GSTCD: variants seen among roughly 807,000 people sequenced by gnomAD.
GSTCD encodes the protein glutathione S-transferase C-terminal domain containing, also known as glutathione S-transferase C-terminal domain-containing protein.
In GSTCD, 44 loss-of-function variants were observed where a neutral mutation model predicts 68.3. The observed-to-expected ratio is 0.64, with a 90% confidence interval of 0.51 to 0.83. The LOEUF (loss-of-function observed/expected upper bound fraction) is 0.83. Among genes scored for constraint, GSTCD ranks in the 40% least tolerant of loss-of-function variants. The pLI, the probability that GSTCD is intolerant of heterozygous loss-of-function variation, is 0.00. For synonymous variants in GSTCD, 273 were observed against 255.2 expected (o/e 1.07, Z -0.67); for missense variants, 739 against 735.9 (o/e 1.00, Z -0.05).
At chr4:105,779,568 AATT>A (rs1209418453) in intron 5 of GSTCD, among the ~76,000 whole-genome samples, 11 of 152,188 alleles carry the variant, frequency 7.2e-5, no homozygotes, top group African/African-American at 2.7e-4. Flanking sequence ...TTCTCTGTCA[AATT>A]TTTGCAATTT....
chr4:105,823,369 A>C, intron 7 of GSTCD, 94 bp downstream of exon 7: 1 of 1,015,466 alleles, frequency 9.8e-7, no homozygotes, highest in Admixed American at 1.8e-5. Context: ...GTTTCTAGTC[A>C]CTCACCCAAG....
At chr4:105,728,684 T>TATAA (rs1560797994) in intron 4 of GSTCD, among the ~76,000 whole-genome samples, 367 of 24,600 alleles carry the variant, frequency 0.015, 2 homozygotes, top group African/African-American at 0.036. Flanking sequence ...TATAGATATA[T>TATAA]AGATATAGAT....
intron 2 of GSTCD, among the ~76,000 whole-genome samples, chr4:105,718,330 G>C (rs1174109539): frequency 1.3e-5 from 2 of 152,144 alleles, no homozygotes; most frequent in African/African-American, 4.8e-5. Context: ...GGGGTAATGA[G>C]TGAGTTCTTG....
intron 2 of GSTCD, 145 bp from the exon 3 acceptor site, chr4:105,718,915 G>A: frequency 1.6e-6 from 1 of 637,658 alleles, no homozygotes; most frequent in Non-Finnish European, 2.8e-6. Context: ...CTGAAGCACT[G>A]TGATGTGTCT....
intron 7 of GSTCD, among the ~76,000 whole-genome samples, chr4:105,824,177 A>C (rs577670555): frequency 2.6e-5 from 4 of 152,200 alleles, no homozygotes; most frequent in Non-Finnish European, 5.9e-5. Flanking sequence ...GGCCAGAATA[A>C]CATGTAACAG....
intron 5 of GSTCD, among the ~76,000 whole-genome samples, chr4:105,737,757 A>G (rs1416767114): frequency 6.6e-6 from 1 of 152,222 alleles, no homozygotes; most frequent in African/African-American, 2.4e-5. Context: ...ACACTTCTGT[A>G]AAAACATGAG....
intron 5 of GSTCD, among the ~76,000 whole-genome samples, chr4:105,733,202 G>T (rs942386146): frequency 4.6e-5 from 7 of 152,166 alleles, no homozygotes; most frequent in Non-Finnish European, 1.0e-4. Flanking sequence ...TGTGTATTTG[G>T]TTTGCTTGGT....
intron 8 of GSTCD, among the ~76,000 whole-genome samples, chr4:105,832,068 T>C (rs941379047): frequency 6.6e-6 from 1 of 152,264 alleles, no homozygotes; most frequent in East Asian, 1.9e-4. Context: ...AATTTACTCA[T>C]ATTTATTGCA....
At chr4:105,738,846 T>C (rs1414468475) in intron 5 of GSTCD, among the ~76,000 whole-genome samples, 2 of 152,182 alleles carry the variant, frequency 1.3e-5, no homozygotes, top group African/African-American at 4.8e-5. Context: ...GCCTAATTGC[T>C]CTGGCTAGGA....
At chr4:105,786,435 G>C (rs560936528) in intron 5 of GSTCD, among the ~76,000 whole-genome samples, 1 of 151,532 alleles carries the variant, frequency 6.6e-6, no homozygotes, top group Non-Finnish European at 1.5e-5. Flanking sequence ...TCGCTTGGAC[G>C]CCAGAGGCGA....
chr4:105,808,278 T>G (rs1228679696), intron 5 of GSTCD, among the ~76,000 whole-genome samples: 1 of 152,102 alleles, frequency 6.6e-6, no homozygotes, highest in Non-Finnish European at 1.5e-5. Flanking sequence ...ATACCTCCAC[T>G]GCAAAACAAT....
intron 7 of GSTCD, 48 bp from the exon 8 acceptor site, chr4:105,825,624 T>C (rs1723565836): frequency 9.0e-7 from 1 of 1,105,888 alleles, no homozygotes; most frequent in Non-Finnish European, 1.4e-6. Flanking sequence ...TTGCCTAATG[T>C]CTGAATTATG....
chr4:105,845,661 G>A lies in GSTCD; in HGVS notation c.*84G>A, dbSNP rs1724521049. ...ATTCAGGAGGTTCTTGGCATAACTA[G>A]GAAACAGCATTAGCCATCTTGAACC... On this transcript the variant is annotated 3_prime_UTR_variant, in exon 12 of 12. Coordinates refer to ENST00000515279, the MANE Select transcript of GSTCD (RefSeq NM_001370181.1). The A allele has an allele frequency of 1.0e-5, 15 of 1,430,932 alleles. No individual in the cohort carries two copies. The South Asian group carries it at 1.7e-4, about 16-fold the overall frequency. The allele number at this position is 1,430,932 out of a possible 1,614,324, so 88.6% of individuals were successfully genotyped here.
chr4:105,821,880 T>A (rs1291996749), intron 5 of GSTCD, among the ~76,000 whole-genome samples: 1 of 151,898 alleles, frequency 6.6e-6, no homozygotes, highest in African/African-American at 2.4e-5. Context: ...AGTTTTTTAT[T>A]TACATTTAAA....
intron 4 of GSTCD, among the ~76,000 whole-genome samples, chr4:105,728,729 G>C (rs1438759786): frequency 1.4e-5 from 2 of 140,682 alleles, no homozygotes; most frequent in African/African-American, 5.5e-5. Flanking sequence ...TGTGTACCTG[G>C]AATGTGATTG....
chr4:105,824,286 G>A (rs1270435128), intron 7 of GSTCD, among the ~76,000 whole-genome samples: 1 of 152,114 alleles, frequency 6.6e-6, no homozygotes, highest in Non-Finnish European at 1.5e-5. Context: ...AGAGGCAGTT[G>A]TTTGTTTTAT....
chr4:105,731,437 G>C (rs1733236371), intron 5 of GSTCD, among the ~76,000 whole-genome samples: 1 of 152,092 alleles, frequency 6.6e-6, no homozygotes, highest in Admixed American at 6.6e-5. Context: ...TCCTTGAAGA[G>C]GTCCTTCACA....
At chr4:105,711,770 C>T (rs1029737682) in intron 1 of GSTCD, among the ~76,000 whole-genome samples, 10 of 152,244 alleles carry the variant, frequency 6.6e-5, no homozygotes, top group Non-Finnish European at 1.0e-4. Flanking sequence ...TCAACAGTCT[C>T]GGCTCTAATC....
intron 5 of GSTCD, among the ~76,000 whole-genome samples, chr4:105,771,058 G>A (rs992327838): frequency 3.3e-5 from 5 of 151,930 alleles, no homozygotes; most frequent in Admixed American, 2.0e-4. Flanking sequence ...TTTAATGATC[G>A]CCATTCTAAC....
Sources: gnomAD v4.1 joint callset for allele counts (sites outside exome capture counted in the v4.1 genomes callset) on GRCh38, gnomAD v4.1.1 for gene constraint, MANE v1.5 for transcripts, NCBI Gene and HGNC (gene_info 2026-07-23, HGNC 2026-07-21) for gene names.